NDST3: variants seen among roughly 807,000 people sequenced by gnomAD.
NDST3 encodes N-deacetylase and N-sulfotransferase 3.
Under a neutral mutation model 96.1 loss-of-function variants are expected in NDST3, and 58 were observed. The ratio of observed to expected loss-of-function variants is 0.60; its 90% CI spans 0.49 to 0.75. The LOEUF (loss-of-function observed/expected upper bound fraction) is 0.75, where lower values mean the gene tolerates loss of function less well. Ranked by LOEUF, NDST3 falls within the 30% of genes least tolerant of loss-of-function variation. The pLI is 0.00. For synonymous variants in NDST3, 333 were observed against 359.7 expected, an observed-to-expected ratio of 0.93 and a Z score of 0.84; for missense variants, 788 against 1,034.2, an observed-to-expected ratio of 0.76 and a Z score of 3.27.
At chr4:118,090,869 C>A (rs1374870472) in intron 2 of NDST3, among the ~76,000 whole-genome samples, 1 of 151,624 alleles carries the variant, frequency 6.6e-6, no homozygotes, top group Non-Finnish European at 1.5e-5. Context: ...ATGAAAGGGT[C>A]TGATTGGATG....
rs1416302370 is a variant in NDST3 at position 118,058,620 on chromosome 4, TGTGTGTGTGTGTGTGCGCGCGCGC to T, written c.981+3731_981+3754del. Among the ~76,000 whole-genome samples the T allele has an allele frequency of 1.3e-3, 49 of 37,314 alleles. 1 individual carries two copies. The highest frequency in any genetic ancestry group is 0.012 in the South Asian group (5 of 404). 24.5% of individuals were successfully genotyped at this position (37,314 alleles called of 152,430 possible). ...GTGTGTGTGTGTGTGTGTGTGTGTG[TGTGTGTGTGTGTGTGCGCGCGCGC>T]GCACGCATGCATGCAAACGTGTTCC... is the stretch of plus-strand genomic sequence containing the variant. On this transcript the variant is annotated intron_variant, in intron 2 of 13. Coordinates refer to ENST00000296499, the MANE Select transcript of NDST3 (RefSeq NM_004784.3).
chr4:118,237,924 A>G (rs1032063246), intron 10 of NDST3, among the ~76,000 whole-genome samples: 4 of 152,052 alleles, frequency 2.6e-5, no homozygotes, highest in African/African-American at 9.7e-5. Flanking sequence ...TGAGCCCAGG[A>G]GTTCAAGACC....
At chr4:118,230,282 T>C (rs1740184168) in intron 8 of NDST3, among the ~76,000 whole-genome samples, 1 of 152,106 alleles carries the variant, frequency 6.6e-6, no homozygotes, top group South Asian at 2.1e-4. Flanking sequence ...GAAAATTTAT[T>C]AGAAGTGCAG....
chr4:118,183,349 T>C (rs1736726701), intron 6 of NDST3, among the ~76,000 whole-genome samples: 1 of 152,174 alleles, frequency 6.6e-6, no homozygotes, highest in African/African-American at 2.4e-5. Context: ...TTTCCAGCCC[T>C]TCTCTTCTTT....
rs117511412 is a variant in NDST3, at chr4:118,083,274, C to T, written c.982-21744C>T. Among the ~76,000 whole-genome samples, 60 of 152,116 alleles carry T rather than the reference C, an allele frequency of 3.9e-4. 3 individuals carry two copies. The East Asian group carries it at 0.012, about 29-fold the overall frequency. ...AATCAAGTCTTCTTGCAAAGAATAC[C>T]ATAAAATCCTTTCTTAAACTAAATG... On this transcript the variant is annotated intron_variant, in intron 2 of 13. Coordinates refer to ENST00000296499, the MANE Select transcript of NDST3 (RefSeq NM_004784.3).
chr4:118,044,752 T>G (rs1330023294), intron 1 of NDST3, among the ~76,000 whole-genome samples: 1 of 152,170 alleles, frequency 6.6e-6, no homozygotes, highest in African/African-American at 2.4e-5. Context: ...GGTGCTGGCA[T>G]CTGGTGAGGG....
intron 5 of NDST3, among the ~76,000 whole-genome samples, chr4:118,142,012 T>C (rs1035709049): frequency 6.6e-6 from 1 of 152,168 alleles, no homozygotes; most frequent in Non-Finnish European, 1.5e-5. Context: ...AAAGTATTTA[T>C]TCCAAATGCT....
intron 12 of NDST3, among the ~76,000 whole-genome samples, chr4:118,249,789 TTTG>T (rs753319568): frequency 1.3e-5 from 2 of 151,330 alleles, no homozygotes; most frequent in Non-Finnish European, 1.5e-5. Context: ...TTTTAAGTGC[TTTG>T]TTAATGTATA....
At chr4:118,039,711 T>C (rs911578985) in intron 1 of NDST3, among the ~76,000 whole-genome samples, 7 of 151,984 alleles carry the variant, frequency 4.6e-5, no homozygotes, top group Admixed American at 2.0e-4. Context: ...ATTTGGAAGA[T>C]GAAACCAGAT....
intron 4 of NDST3, among the ~76,000 whole-genome samples, chr4:118,137,075 T>C (rs368279309): frequency 6.6e-6 from 1 of 152,340 alleles, no homozygotes; most frequent in African/African-American, 2.4e-5. Context: ...CCATATCAGT[T>C]GGCTGCATAT....
At chr4:118,229,701 T>C (rs966718107) in intron 8 of NDST3, among the ~76,000 whole-genome samples, 1 of 152,196 alleles carries the variant, frequency 6.6e-6, no homozygotes. Flanking sequence ...GAAAAGAATG[T>C]TTTCAGTTGA....
Position 118,114,872 on chromosome 4 carries a change from C to T in NDST3, c.1136C>T (p.Pro379Leu). 1 of 1,614,000 alleles carries T rather than the reference C, an allele frequency of 6.2e-7. No homozygotes were observed. Among genetic ancestry groups the T allele is most frequent in the Non-Finnish European group, 8.5e-7 (1 of 1,179,960 alleles). Residue 379 changes from proline (P) to leucine (L), a missense_variant, in exon 4 of 14, where the codon CCT becomes CTT. Pro to Leu is a moderately conservative substitution (Grantham distance 98, BLOSUM62 -3). Transcript: ENST00000296499. ...TCTGTGGATGAGTTCTGGTGGTTTC[C>T]TCACATGTGGAGCCATATGCAGCCC... ...LGSVDEFWWFPHMWSHMQPHL... is the reference protein window; with the variant it reads ...LGSVDEFWWFLHMWSHMQPHL...
chr4:118,182,134 T>C (rs1736645687), intron 6 of NDST3, among the ~76,000 whole-genome samples: 1 of 152,172 alleles, frequency 6.6e-6, no homozygotes. Flanking sequence ...CATTTTTGTC[T>C]GGCCATATTT....
At chr4:118,251,119 A>ATTATT (rs1239667222) in intron 12 of NDST3, among the ~76,000 whole-genome samples, 2 of 94,496 alleles carry the variant, frequency 2.1e-5, no homozygotes, top group Non-Finnish European at 2.4e-5. Context: ...TTTATTTATT[A>ATTATT]TTTTTATTTT....
At chr4:118,206,044 G>C in intron 6 of NDST3, among the ~76,000 whole-genome samples, 1 of 142,712 alleles carries the variant, frequency 7.0e-6, no homozygotes, top group Admixed American at 6.9e-5. Flanking sequence ...GTGTTAGCCA[G>C]GATGGTCTCG....
At chr4:118,155,173 T>C (rs1734642666) in intron 6 of NDST3, among the ~76,000 whole-genome samples, 1 of 152,250 alleles carries the variant, frequency 6.6e-6, no homozygotes, top group African/African-American at 2.4e-5. Flanking sequence ...CCTATTTTTC[T>C]ATTATTAATG....
chr4:118,141,096 G>A (rs1733538311), intron 5 of NDST3, among the ~76,000 whole-genome samples: 1 of 152,140 alleles, frequency 6.6e-6, no homozygotes, highest in South Asian at 2.1e-4. Flanking sequence ...CTTAGGTACA[G>A]GATATTGACT....
chr4:118,224,137 T>A (rs1434187814), intron 6 of NDST3, among the ~76,000 whole-genome samples: 1 of 152,132 alleles, frequency 6.6e-6, no homozygotes, highest in East Asian at 1.9e-4. Flanking sequence ...ATATTGGGAA[T>A]AATGGAACTA....
At chr4:118,078,092 T>G (rs1237535227) in intron 2 of NDST3, among the ~76,000 whole-genome samples, 5 of 152,138 alleles carry the variant, frequency 3.3e-5, no homozygotes. Flanking sequence ...TTCCCAGTCT[T>G]GCACAGGACC....
Sources: gnomAD v4.1 joint callset for allele counts (sites outside exome capture counted in the v4.1 genomes callset) on GRCh38, gnomAD v4.1.1 for gene constraint, MANE v1.5 for transcripts, NCBI Gene and HGNC (gene_info 2026-07-23, HGNC 2026-07-21) for gene names.